The following SHTN1 variants were observed in gnomAD, a reference collection of about 807,000 sequenced individuals.
SHTN1 encodes the protein shootin-1.
In SHTN1, 42 loss-of-function variants were observed where a neutral mutation model predicts 83.1. The ratio of observed to expected loss-of-function variants is 0.51; its 90% CI spans 0.39 to 0.65. The LOEUF (loss-of-function observed/expected upper bound fraction) is 0.65. Among genes scored for constraint, SHTN1 ranks in the 30% least tolerant of loss-of-function variants. The pLI is 0.00. For missense variants in SHTN1, 622 were observed against 737.8 expected (o/e 0.84, Z 1.82); for synonymous variants, 224 against 247.7 (o/e 0.90, Z 0.90).
At chr10:116,998,905 C>G (rs147718656) in intron 1 of SHTN1, among the ~76,000 whole-genome samples, 2 of 152,102 alleles carry the variant, frequency 1.3e-5, no homozygotes, top group Non-Finnish European at 2.9e-5. Flanking sequence ...TATGTATATA[C>G]CAACATATAT....
intron 4 of SHTN1, 81 bp from the exon 5 acceptor site, chr10:116,954,291 A>G (rs1564895954): frequency 3.3e-6 from 3 of 921,360 alleles, no homozygotes; most frequent in Non-Finnish European, 4.8e-6. Context: ...CAAATTAAGT[A>G]TATTTTTGTC....
intron 1 of SHTN1, among the ~76,000 whole-genome samples, chr10:117,101,571 G>A (rs958409335): frequency 6.6e-6 from 1 of 152,186 alleles, no homozygotes; most frequent in African/African-American, 2.4e-5. Flanking sequence ...GTGAAAGAAG[G>A]AGCAGATTCA....
intron 16 of SHTN1, among the ~76,000 whole-genome samples, chr10:116,890,748 G>A (rs1847318390): frequency 6.6e-6 from 1 of 152,210 alleles, no homozygotes; most frequent in Non-Finnish European, 1.5e-5. Context: ...CTGAGCAGGT[G>A]GGGCAACTTA....
At chr10:116,924,797 G>A (rs1012535403) in intron 11 of SHTN1, among the ~76,000 whole-genome samples, 8 of 119,552 alleles carry the variant, frequency 6.7e-5, no homozygotes, top group Admixed American at 2.3e-4. Flanking sequence ...TCGCTCTGTC[G>A]CCCAGGCTGG....
intron 11 of SHTN1, among the ~76,000 whole-genome samples, chr10:116,925,393 C>T (rs755276086): frequency 5.3e-5 from 8 of 152,176 alleles, no homozygotes; most frequent in Non-Finnish European, 1.2e-4. Flanking sequence ...TGAAACACTG[C>T]CACTTCCTGG....
intron 2 of SHTN1, among the ~76,000 whole-genome samples, chr10:117,028,357 T>C (rs1852359451): frequency 6.6e-6 from 1 of 152,134 alleles, no homozygotes; most frequent in Non-Finnish European, 1.5e-5. Flanking sequence ...CCTGGCCATG[T>C]AGTAGTAAAT....
intron 5 of SHTN1, 36 bp from the exon 6 acceptor site, chr10:116,952,042 T>G: frequency 9.1e-7 from 1 of 1,094,740 alleles, no homozygotes; most frequent in Non-Finnish European, 1.3e-6. Context: ...ATAAATAAAC[T>G]TATTTTTAAA....
chr10:117,050,615 T>G (rs938836407), intron 1 of SHTN1, among the ~76,000 whole-genome samples: 34 of 151,872 alleles, frequency 2.2e-4, no homozygotes, highest in African/African-American at 8.2e-4. Flanking sequence ...AATCGACAAT[T>G]AGAAGAACAA....
At chr10:116,972,222 CA>C (rs1270983569) in intron 2 of SHTN1, among the ~76,000 whole-genome samples, 6 of 152,206 alleles carry the variant, frequency 3.9e-5, no homozygotes, top group Non-Finnish European at 7.3e-5. Flanking sequence ...AGCAGATTCA[CA>C]AGCTGTCTCC....
intron 1 of SHTN1, among the ~76,000 whole-genome samples, chr10:117,066,332 T>C (rs911802747): frequency 6.6e-6 from 1 of 152,160 alleles, no homozygotes; most frequent in Non-Finnish European, 1.5e-5. Flanking sequence ...GTCCCTATTA[T>C]ACAGCGATGA....
At chr10:116,967,997 T>C (rs1016963285) in intron 3 of SHTN1, among the ~76,000 whole-genome samples, 2 of 152,000 alleles carry the variant, frequency 1.3e-5, no homozygotes, top group Admixed American at 6.6e-5. Context: ...TCCTGGCCAA[T>C]ATGGTGAAAC....
intron 11 of SHTN1, among the ~76,000 whole-genome samples, chr10:116,923,442 G>A (rs1848632736): frequency 6.6e-6 from 1 of 152,098 alleles, no homozygotes; most frequent in African/African-American, 2.4e-5. Context: ...GCCAGCAATA[G>A]AAAACACATA....
At chr10:116,961,160 A>G (rs1016291375) in intron 3 of SHTN1, among the ~76,000 whole-genome samples, 14 of 152,292 alleles carry the variant, frequency 9.2e-5, no homozygotes, top group South Asian at 2.1e-4. Flanking sequence ...GTGAAACCCA[A>G]CAAAGTTAGG....
intron 16 of SHTN1, among the ~76,000 whole-genome samples, chr10:116,891,742 A>G (rs953238180): frequency 3.3e-5 from 5 of 151,966 alleles, no homozygotes; most frequent in African/African-American, 9.7e-5. Context: ...AAAACTTCAC[A>G]AATTTTTAAT....
chr10:116,995,339 A>C (rs905563867), intron 1 of SHTN1, among the ~76,000 whole-genome samples: 1 of 152,172 alleles, frequency 6.6e-6, no homozygotes, highest in African/African-American at 2.4e-5. Context: ...GAGAAACTGA[A>C]CTCCTAAAAT....
chr10:116,934,196 T>C (rs1849071103), intron 9 of SHTN1, among the ~76,000 whole-genome samples: 1 of 152,220 alleles, frequency 6.6e-6, no homozygotes, highest in Non-Finnish European at 1.5e-5. Context: ...TTTTGGCTTT[T>C]GTTGCCATTG....
At chr10:117,032,433 T>C (rs1045517623) in intron 2 of SHTN1, among the ~76,000 whole-genome samples, 1 of 152,104 alleles carries the variant, frequency 6.6e-6, no homozygotes, top group African/African-American at 2.4e-5. Context: ...CTCAATCTCC[T>C]GACTTTTTGA....
chr10:116,979,566 C>T (rs1028624981), intron 1 of SHTN1, among the ~76,000 whole-genome samples: 2 of 152,198 alleles, frequency 1.3e-5, no homozygotes, highest in Non-Finnish European at 2.9e-5. Context: ...ATTACAGGCA[C>T]GAGTCACCAA....
At chr10:116,956,649 T>C (rs942250521) in intron 4 of SHTN1, among the ~76,000 whole-genome samples, 1 of 152,176 alleles carries the variant, frequency 6.6e-6, no homozygotes, top group African/African-American at 2.4e-5. Flanking sequence ...TTCTGTCATC[T>C]AGTGCTTAAT....
Sources: gnomAD v4.1 joint callset for allele counts (sites outside exome capture counted in the v4.1 genomes callset) on GRCh38, gnomAD v4.1.1 for gene constraint, MANE v1.5 for transcripts, NCBI Gene and HGNC (gene_info 2026-07-23, HGNC 2026-07-21) for gene names.